GTF2I: variants seen among roughly 807,000 people sequenced by gnomAD.
GTF2I encodes general transcription factor IIi, also known as general transcription factor II-I.
A neutral mutation model predicts 67.6 loss-of-function variants in GTF2I; 12 were observed. The ratio of observed to expected loss-of-function variants is 0.18; its 90% confidence interval spans 0.11 to 0.29. The LOEUF (loss-of-function observed/expected upper bound fraction) is 0.29. Ranked by LOEUF, GTF2I falls within the 10% of genes least tolerant of loss-of-function variation. The pLI, the probability that GTF2I is intolerant of heterozygous loss-of-function variation, is 1.00. For synonymous variants in GTF2I, 149 were observed against 197.0 expected (o/e 0.76, Z 2.04); for missense variants, 271 against 580.1 (o/e 0.47, Z 5.47).
intron 12 of GTF2I, among the ~76,000 whole-genome samples, chr7:74,722,571 CCTAA>C (rs1487773658): frequency 6.6e-6 from 1 of 152,098 alleles, no homozygotes; most frequent in South Asian, 2.1e-4. Flanking sequence ...TCTGCTGTGG[CCTAA>C]CTCTCTGTTC....
chr7:74,719,961 G>C (rs1456179749), intron 12 of GTF2I, among the ~76,000 whole-genome samples: 1 of 152,026 alleles, frequency 6.6e-6, no homozygotes, highest in Admixed American at 6.6e-5. Context: ...CACAATACTT[G>C]TGTAAGTTTC....
intron 11 of GTF2I, among the ~76,000 whole-genome samples, chr7:74,717,771 C>A (rs1792436306): frequency 6.6e-6 from 1 of 151,978 alleles, no homozygotes. Flanking sequence ...CTTTTACCTT[C>A]TTTGAGGGAA....
chr7:74,677,544 G>A (rs1554392742), intron 1 of GTF2I, among the ~76,000 whole-genome samples: 1 of 151,886 alleles, frequency 6.6e-6, no homozygotes, highest in Non-Finnish European at 1.5e-5. Flanking sequence ...ACTTTGGGAG[G>A]CTGAGGCGGG....
intron 12 of GTF2I, among the ~76,000 whole-genome samples, chr7:74,720,436 T>A (rs1584270553): frequency 6.6e-6 from 1 of 152,308 alleles, no homozygotes; most frequent in East Asian, 1.9e-4. Context: ...ATACAAGAAA[T>A]CTTTTCATAC....
chr7:74,686,889 G>GTT (rs1234126085), intron 1 of GTF2I, among the ~76,000 whole-genome samples: 2 of 149,274 alleles, frequency 1.3e-5, no homozygotes, highest in Non-Finnish European at 3.0e-5. Context: ...TGTTTGTTTT[G>GTT]TTTTTGTTTT....
At chr7:74,660,588 T>C (rs1048666207) in intron 1 of GTF2I, among the ~76,000 whole-genome samples, 1 of 151,280 alleles carries the variant, frequency 6.6e-6, no homozygotes, top group African/African-American at 2.4e-5. Context: ...TTATTTTCTC[T>C]CTTTTTTTTC....
At chr7:74,698,585 A>AT (rs375688389) in intron 3 of GTF2I, among the ~76,000 whole-genome samples, 106 of 150,728 alleles carry the variant, frequency 7.0e-4, no homozygotes, top group African/African-American at 2.6e-3. Context: ...GGCTATTTTC[A>AT]TTTTTTTGCA....
At chr7:74,708,439 T>C (rs1288097018) in intron 8 of GTF2I, among the ~76,000 whole-genome samples, 1 of 152,136 alleles carries the variant, frequency 6.6e-6, no homozygotes, top group South Asian at 2.1e-4. Context: ...TCCATCTGAC[T>C]TCTGAGGTGG....
Position 74,689,333 on chromosome 7 carries a change from A to C in GTF2I, c.99+106A>C, listed in dbSNP as rs587684181. On this transcript the variant is annotated intron_variant, in intron 2 of 34. Coordinates refer to ENST00000573035, the MANE Select transcript of GTF2I (RefSeq NM_032999.4). ...AATTTTATGGTTTTTAGTTTTAATG[A>C]GTACTTTTTCTTTACTTTTTTTTTT... The C allele has an allele frequency of 1.7e-3, 640 of 387,644 alleles. 11 individuals are homozygous for C. The South Asian group carries it at 0.017, about 10-fold the overall frequency. 24.0% of individuals were successfully genotyped at this position (387,644 alleles called of 1,614,324 possible).
intron 10 of GTF2I, among the ~76,000 whole-genome samples, chr7:74,715,920 G>A (rs1021542810): frequency 2.6e-5 from 4 of 152,008 alleles, no homozygotes; most frequent in African/African-American, 9.7e-5. Context: ...CGTAAGCATT[G>A]CTTTTTAAAA....
At chr7:74,677,654 C>T (rs1806017356) in intron 1 of GTF2I, among the ~76,000 whole-genome samples, 2 of 151,438 alleles carry the variant, frequency 1.3e-5, no homozygotes, top group South Asian at 2.1e-4. Context: ...TGGTGACATA[C>T]ACCTGTAATC....
intron 12 of GTF2I, among the ~76,000 whole-genome samples, chr7:74,724,175 T>A (rs1264573425): frequency 6.6e-6 from 1 of 152,234 alleles, no homozygotes; most frequent in Admixed American, 6.5e-5. Flanking sequence ...AATACCCAAT[T>A]GTTTATGTAA....
At chr7:74,700,532 A>G (rs1451491328) in intron 5 of GTF2I, 74 bp from the exon 6 acceptor site, 6 of 1,593,320 alleles carry the variant, frequency 3.8e-6, no homozygotes, top group Admixed American at 3.4e-5. Context: ...TTAACACAGA[A>G]GTCATTTAAA....
chr7:74,733,344 ATGCTT>A (rs1794644487), intron 15 of GTF2I, among the ~76,000 whole-genome samples: 1 of 114,458 alleles, frequency 8.7e-6, no homozygotes, highest in African/African-American at 3.4e-5. Context: ...TTTTTGTAAT[ATGCTT>A]CAAAGACCTG....
chr7:74,684,920 A>G (rs35785930), intron 1 of GTF2I: 3,776 of 152,338 alleles, frequency 0.025, 51 homozygotes, highest in Non-Finnish European at 0.036. Context: ...GTCCACAAAG[A>G]GGGGGCGGGC....
intron 3 of GTF2I, among the ~76,000 whole-genome samples, chr7:74,694,587 A>G (rs1788701762): frequency 6.6e-6 from 1 of 151,606 alleles, no homozygotes; most frequent in Non-Finnish European, 1.5e-5. Flanking sequence ...GTCTCAAAAG[A>G]AAAAAAAAGG....
At chr7:74,695,480 C>T (rs2131313277) in intron 3 of GTF2I, among the ~76,000 whole-genome samples, 1 of 152,286 alleles carries the variant, frequency 6.6e-6, no homozygotes, top group Admixed American at 6.5e-5. Flanking sequence ...AATGAACCTG[C>T]AGATGCTTGT....
intron 1 of GTF2I, among the ~76,000 whole-genome samples, chr7:74,674,782 G>A (rs1805749487): frequency 1.3e-5 from 2 of 151,616 alleles, no homozygotes; most frequent in South Asian, 4.2e-4. Flanking sequence ...CCCAACCTCA[G>A]GTGATCCGCC....
At chr7:74,679,224 G>A (rs1285080026) in intron 1 of GTF2I, among the ~76,000 whole-genome samples, 6 of 151,070 alleles carry the variant, frequency 4.0e-5, no homozygotes, top group Non-Finnish European at 2.9e-5. Context: ...GATTACAGGC[G>A]CCCACCACAC....
Sources: allele counts gnomAD v4.1 joint callset (sites outside exome capture counted in the v4.1 genomes callset), GRCh38; gene constraint gnomAD v4.1.1; transcripts MANE v1.5; gene names NCBI Gene and HGNC (gene_info 2026-07-23, HGNC 2026-07-21).